TEX14: variants seen among roughly 807,000 people sequenced by gnomAD.
TEX14 encodes testis expressed 14, intercellular bridge forming factor.
TEX14 carries 168 observed loss-of-function variants against 178.6 expected under a neutral mutation model. The ratio of observed to expected loss-of-function variants is 0.94; its 90% CI spans 0.83 to 1.07. The LOEUF (loss-of-function observed/expected upper bound fraction) is 1.07. Ranked by LOEUF, TEX14 falls within the 50% of genes least tolerant of loss-of-function variation. The pLI, the probability that TEX14 is intolerant of heterozygous loss-of-function variation, is 0.00. For synonymous variants in TEX14, 626 were observed against 634.1 expected, an observed-to-expected ratio of 0.99 and a Z score of 0.19; for missense variants, 1,730 against 1,753.6, an observed-to-expected ratio of 0.99 and a Z score of 0.24.
At chr17:58,631,831 A>T (rs757947032) in intron 2 of TEX14, 2 of 152,068 alleles carry the variant, frequency 1.3e-5, no homozygotes, top group African/African-American at 2.4e-5. Context: ...CTCAAAATAT[A>T]GTCTTAATGT....
At position 58,570,502 on chromosome 17, in the gene TEX14, A is replaced by C; in HGVS notation, c.3718-18T>G. The C allele has an allele frequency of 6.7e-7, 1 of 1,497,100 alleles. No individual in the cohort carries two copies. Among genetic ancestry groups the C allele is most frequent in the East Asian group, 2.7e-5 (1 of 37,212 alleles). 92.7% of individuals were successfully genotyped at this position (1,497,100 alleles called of 1,614,324 possible). A position where few individuals can be genotyped will look rare whatever the true frequency, so the allele number is the denominator to read the frequency against. On this transcript the variant is annotated intron_variant, in intron 24 of 31. Transcript: ENST00000349033. The stretch of plus-strand genomic sequence containing the variant: ...AATCTTTTCTATAAGGAAGAGATAA[A>C]CATGGTAACTGTCATGTGTGTTGAG...
rs996141764 is a variant in TEX14, at chr17:58,621,565, G to T, written c.554+85C>A. On this transcript the variant is annotated intron_variant, in intron 5 of 31. Transcript: ENST00000349033. ...GATGCCAGAGGGCACTGATGTGGAG[G>T]AGCTGAGGCAACCCATGCTGCAGGG... The T allele has an allele frequency of 9.9e-5, 138 of 1,394,372 alleles. No individual in the cohort carries two copies. The Admixed American group carries it at 2.7e-3, about 28-fold the overall frequency. 86.4% of individuals were successfully genotyped at this position (1,394,372 alleles called of 1,614,324 possible).
chr17:58,688,265 T>C (rs1398365156), intron 1 of TEX14, among the ~76,000 whole-genome samples: 1 of 151,998 alleles, frequency 6.6e-6, no homozygotes, highest in Non-Finnish European at 1.5e-5. Context: ...GGACTATAGG[T>C]ACCCTCCACC....
At position 58,615,294 on chromosome 17, in the gene TEX14, G is replaced by A. The variant is rs575701179; in HGVS notation, c.819C>T (p.Thr273=). Residue 273 remains threonine, a synonymous_variant, in exon 8 of 32, where the codon ACC becomes ACT. Transcript: ENST00000349033. ...GCCGCAGCCTGCTGCAGTGTGGGTG[G>A]GTGGGGAGATTCAGCTCTTTCACTG... The part of the protein sequence containing the change: ...RVTVKELNLP[T]HPHCSRLRLA... 2 of 1,613,826 alleles carry A rather than the reference G, an allele frequency of 1.2e-6. No homozygotes were observed. Among genetic ancestry groups the A allele is most frequent in the Non-Finnish European group, 1.7e-6 (2 of 1,179,790 alleles).
At chr17:58,567,378 G>T (rs1484840528) in intron 26 of TEX14, among the ~76,000 whole-genome samples, 1 of 152,086 alleles carries the variant, frequency 6.6e-6, no homozygotes, top group African/African-American at 2.4e-5. Flanking sequence ...CTGCAGTGCA[G>T]GAAGCAGTCC....
At chr17:58,630,371 T>C in intron 3 of TEX14, 69 bp downstream of exon 3, 1 of 1,236,698 alleles carries the variant, frequency 8.1e-7, no homozygotes, top group African/African-American at 1.5e-5. Context: ...TTTTTCTAAT[T>C]AGTTTCTAAA....
chr17:58,574,318 C>T, intron 21 of TEX14, 69 bp from the exon 22 acceptor site: 1 of 1,234,704 alleles, frequency 8.1e-7, no homozygotes, highest in East Asian at 2.3e-5. Context: ...CTACTTGCTA[C>T]AAGGAACCAG....
At chr17:58,591,259 T>C (rs887196239) in intron 15 of TEX14, among the ~76,000 whole-genome samples, 1 of 152,242 alleles carries the variant, frequency 6.6e-6, no homozygotes, top group African/African-American at 2.4e-5. Flanking sequence ...GGCTCACGCC[T>C]GTAATCCCAA....
chr17:58,649,500 C>T (rs556464774), intron 2 of TEX14, among the ~76,000 whole-genome samples: 54 of 152,200 alleles, frequency 3.5e-4, no homozygotes, highest in Admixed American at 9.8e-4. Context: ...GATAGAATTC[C>T]CAGACACAGA....
intron 1 of TEX14, 52 bp from the exon 2 acceptor site, chr17:58,652,054 G>A: frequency 1.4e-6 from 2 of 1,411,476 alleles, no homozygotes; most frequent in East Asian, 2.5e-5. Flanking sequence ...GAAATGCAAG[G>A]AAACAACTTA....
At chr17:58,654,123 A>G (rs1260484607) in intron 1 of TEX14, among the ~76,000 whole-genome samples, 1 of 152,130 alleles carries the variant, frequency 6.6e-6, no homozygotes, top group Admixed American at 6.6e-5. Flanking sequence ...GCTTGCAGTG[A>G]GCTGAGATTG....
chr17:58,602,252 G>T, intron 12 of TEX14, 148 bp downstream of exon 12: 2 of 802,348 alleles, frequency 2.5e-6, no homozygotes, highest in Non-Finnish European at 2.0e-6. Context: ...AAGCAGTTAG[G>T]CTATTATCAA....
chr17:58,652,084 C>T (rs977739615), intron 1 of TEX14, 82 bp from the exon 2 acceptor site: 15 of 1,100,636 alleles, frequency 1.4e-5, no homozygotes, highest in African/African-American at 1.6e-5. Context: ...CATTTAGAAA[C>T]CTGTCCAGCC....
At chr17:58,576,392 G>C (rs2044676435) in intron 21 of TEX14, among the ~76,000 whole-genome samples, 1 of 152,230 alleles carries the variant, frequency 6.6e-6, no homozygotes, top group African/African-American at 2.4e-5. Context: ...GCTGGGGCAG[G>C]AGAATCACTT....
At chr17:58,673,307 T>G (rs958090464) in intron 1 of TEX14, among the ~76,000 whole-genome samples, 7 of 145,512 alleles carry the variant, frequency 4.8e-5, no homozygotes, top group Non-Finnish European at 9.1e-5. Flanking sequence ...GGCGAAACCA[T>G]AAAAAAAAAA....
intron 20 of TEX14, among the ~76,000 whole-genome samples, chr17:58,578,301 T>C (rs2044728198): frequency 6.6e-6 from 1 of 152,168 alleles, no homozygotes; most frequent in Admixed American, 6.5e-5. Context: ...CATAAACTAA[T>C]TCCTAAGAAG....
intron 11 of TEX14, 66 bp from the exon 12 acceptor site, chr17:58,602,656 A>T: frequency 1.5e-6 from 2 of 1,340,932 alleles, no homozygotes; most frequent in African/African-American, 1.5e-5. Flanking sequence ...GGGGAAAAGA[A>T]ATCAGATGAA....
At chr17:58,593,979 C>T (rs1165381868) in intron 14 of TEX14, among the ~76,000 whole-genome samples, 5 of 151,984 alleles carry the variant, frequency 3.3e-5, no homozygotes, top group African/African-American at 7.2e-5. Flanking sequence ...GGACTACAGG[C>T]GCACACCACC....
chr17:58,659,115 ACACAAGCC>A (rs1413576312), intron 1 of TEX14, among the ~76,000 whole-genome samples: 3 of 150,018 alleles, frequency 2.0e-5, no homozygotes, highest in Non-Finnish European at 4.4e-5. Flanking sequence ...ACGCAACAAC[ACACAAGCC>A]GTCTTTTAAA....
Sources: gnomAD v4.1 joint callset for allele counts (sites outside exome capture counted in the v4.1 genomes callset) on GRCh38, gnomAD v4.1.1 for gene constraint, MANE v1.5 for transcripts, NCBI Gene and HGNC (gene_info 2026-07-23, HGNC 2026-07-21) for gene names.